The following DPEP3 variants were observed in gnomAD, a reference collection of about 807,000 sequenced individuals.
DPEP3 encodes dipeptidase 3.
In DPEP3, 42 loss-of-function variants were observed where a neutral mutation model predicts 47.5. The observed-to-expected ratio is 0.88, with a 90% CI of 0.69 to 1.14. The LOEUF (loss-of-function observed/expected upper bound fraction) is 1.14. Ranked by LOEUF, DPEP3 falls within the 50% of genes most tolerant of loss-of-function variation. The pLI, the probability that DPEP3 is intolerant of heterozygous loss-of-function variation, is 0.00. For missense variants in DPEP3, 560 were observed against 635.0 expected (o/e 0.88, Z 1.27); for synonymous variants, 276 against 270.2 (o/e 1.02, Z -0.21).
rs922679454 is a variant in DPEP3, at chr16:67,978,836, G to T, written c.415-210C>A. Among the ~76,000 whole-genome samples the T allele has an allele frequency of 2.6e-5, 4 of 151,916 alleles. No homozygotes were observed. Among genetic ancestry groups the T allele is most frequent in the Non-Finnish European group, 4.4e-5 (3 of 67,980 alleles). ...AGACAGGGTCTTGCTCTGTCACCCA[G>T]GCTAGAGTGCAGTGGTGTGATCATG... On this transcript the variant is annotated intron_variant, in intron 2 of 9. Transcript: ENST00000268793. The surrounding 1 kb of genome is among the most constrained non-coding windows in gnomAD (Gnocchi z 4.4).
At position 67,980,164 on chromosome 16, in the gene DPEP3, C is replaced by CT. The variant is rs753511962; in HGVS notation, c.216dup (p.Gly73ArgfsTer27). On this transcript the variant is annotated frameshift_variant, in exon 1 of 10. Transcript: ENST00000268793. LOFTEE classifies it high-confidence loss of function. ...CGAAGGTCCAGGGTTTTGGGGGTGCCTGGCGTAGTGAGGCCTGGGGTAGTG... is the reference window on the plus strand; with the variant it reads ...CGAAGGTCCAGGGTTTTGGGGGTGCCTTGGCGTAGTGAGGCCTGGGGTAGTG... 19 of 1,612,184 alleles carry CT rather than the reference C, an allele frequency of 1.2e-5. No individual in the cohort carries two copies. The highest frequency in any genetic ancestry group is 1.6e-5 in the Non-Finnish European group (19 of 1,179,248).
chr16:67,980,469 C>A lies in DPEP3; in HGVS notation c.-89G>T. On this transcript the variant is annotated 5_prime_UTR_variant, in exon 1 of 10. Transcript: ENST00000268793. ...GGTCCGGATCATGACGACCCAGCCT[C>A]CCGAAGAGGGGGTTGAAGTCACGCG... The A allele has an allele frequency of 2.8e-6, 4 of 1,439,234 alleles. No individual in the cohort carries two copies. The highest frequency in any genetic ancestry group is 3.6e-6 in the Non-Finnish European group (4 of 1,096,480). 89.2% of individuals were successfully genotyped at this position (1,439,234 alleles called of 1,614,324 possible).
chr16:67,980,017 T>C, intron 1 of DPEP3, 77 bp downstream of exon 1: 2 of 1,526,480 alleles, frequency 1.3e-6, no homozygotes, highest in Non-Finnish European at 1.8e-6. Flanking sequence ...ATAGCCTCCT[T>C]GATAGCATGC....
Position 67,980,330 on chromosome 16 carries a change from C to G in DPEP3, c.51G>C (p.Leu17=), listed in dbSNP as rs1165073567. 2 of 1,554,124 alleles carry G rather than the reference C, an allele frequency of 1.3e-6. No individual in the cohort carries two copies. Among genetic ancestry groups the G allele is most frequent in the Non-Finnish European group, 1.7e-6 (2 of 1,150,314 alleles). ...GCAGTAGCAGGAGCAGCAGACGCCG[C>G]AGATACCGCCGGCTGAGCGCGCGGG... ...EGSRALSRRY[L]RRLLLLLLLL... is the part of the protein sequence containing the mutation. The change falls in exon 1 of 10, where the codon CTG becomes CTC. Residue 17 remains leucine, a synonymous_variant. Coordinates refer to ENST00000268793, the MANE Select transcript of DPEP3 (RefSeq NM_001370198.1).
At position 67,978,121 on chromosome 16, in the gene DPEP3, G is replaced by A. The variant is rs2031240895; in HGVS notation, c.687-114C>T. On this transcript the variant is annotated intron_variant, in intron 4 of 9. Coordinates refer to ENST00000268793, the MANE Select transcript of DPEP3 (RefSeq NM_001370198.1). This position sits in a 1 kb window ranked among gnomAD's most constrained non-coding sequence, Gnocchi z 4.4. ...TTCCAGAACAGGTGCAGAACCAGCT[G>A]CTTTCTGGGATTGTGAGGGACCCAC... 1 of 1,572,228 alleles carries A rather than the reference G, an allele frequency of 6.4e-7. No individual in the cohort carries two copies. Among genetic ancestry groups the A allele is most frequent in the African/African-American group, 1.4e-5 (1 of 74,006 alleles).
intron 1 of DPEP3, 138 bp downstream of exon 1, chr16:67,979,956 G>A: frequency 2.9e-6 from 4 of 1,370,728 alleles, no homozygotes; most frequent in South Asian, 2.9e-5. Flanking sequence ...GGGCACCCAT[G>A]GGTGATGGAG....
chr16:67,976,420 G>A (rs905561377), intron 8 of DPEP3, among the ~76,000 whole-genome samples, 192 bp from the exon 9 acceptor site: 1 of 152,236 alleles, frequency 6.6e-6, no homozygotes, highest in Admixed American at 6.5e-5. Context: ...TCAGCCCACA[G>A]CAGGTCTGCT....
chr16:67,979,766 CTGGGGGTG>C lies in DPEP3; in HGVS notation c.288-9_288-2del. On this transcript the variant is annotated splice_acceptor_variant and splice_polypyrimidine_tract_variant and intron_variant, in intron 1 of 9. Transcript: ENST00000268793. LOFTEE classifies it high-confidence loss of function. ...CAGGACCTGGGGCAGGTCATTGTGG[CTGGGGGTG>C]TGAAGGTCAGATGGAAACACCGCCT... 1 of 1,613,578 alleles carries C rather than the reference CTGGGGGTG, an allele frequency of 6.2e-7. No homozygotes were observed. The highest frequency in any genetic ancestry group is 8.5e-7 in the Non-Finnish European group (1 of 1,179,830).
intron 7 of DPEP3, 146 bp from the exon 8 acceptor site, chr16:67,976,921 T>C: frequency 4.2e-6 from 3 of 713,716 alleles, no homozygotes; most frequent in Non-Finnish European, 7.1e-6. Flanking sequence ...GGCTGGTCAC[T>C]GGACCTAGAG....
intron 8 of DPEP3, 41 bp downstream of exon 8, chr16:67,976,659 G>C (rs1478203308): frequency 6.3e-7 from 1 of 1,592,826 alleles, no homozygotes; most frequent in Non-Finnish European, 8.6e-7. Flanking sequence ...AGGACTCCCT[G>C]CTGCACCCCA....
chr16:67,978,732 C>A lies in DPEP3; in HGVS notation c.415-106G>T, dbSNP rs1288232622. 1.6e-5 allele frequency: 22 copies of A among 1,337,420 alleles called. No homozygotes were observed. Among genetic ancestry groups the A allele is most frequent in the Non-Finnish European group, 2.2e-5 (21 of 964,830 alleles). The allele number at this position is 1,337,420 out of a possible 1,614,324, so 82.8% of individuals were successfully genotyped here. ...ATAACACCCATTTGGGTCAGTGGCC[C>A]CAAGTGAGGCACTACATGACTCCAT... is the stretch of plus-strand genomic sequence containing the variant. On this transcript the variant is annotated intron_variant, in intron 2 of 9. Transcript: ENST00000268793. This position sits in a 1 kb window ranked among gnomAD's most constrained non-coding sequence, Gnocchi z 4.4.
At chr16:67,977,863 G>A in intron 5 of DPEP3, 34 bp from the exon 6 acceptor site, 1 of 1,613,638 alleles carries the variant, frequency 6.2e-7, no homozygotes, top group Non-Finnish European at 8.5e-7. Context: ...TGTGGGGGAG[G>A]GTGTTGGGGT....
Position 67,980,097 on chromosome 16 carries a change from T to C in DPEP3, c.284A>G (p.Asp95Gly). Residue 95 changes from aspartate (D) to glycine (G), a missense_variant, in exon 1 of 10, where the codon GAC becomes GGC. By Grantham distance (94) the Asp-to-Gly change is moderately conservative. Coordinates refer to ENST00000268793, the MANE Select transcript of DPEP3 (RefSeq NM_001370198.1). ...QALMRSFPLV[D>G]GHNDLPQVLR... ...CCCAAACGCTGCACCTACATACCCGTCCACGAGTGGGAAACTCCGCATCAG... is the reference window on the plus strand; with the variant it reads ...CCCAAACGCTGCACCTACATACCCGCCCACGAGTGGGAAACTCCGCATCAG... 1 of 1,610,224 alleles carries C rather than the reference T, an allele frequency of 6.2e-7. No individual in the cohort carries two copies.
Position 67,980,084 on chromosome 16 carries a change from A to C in DPEP3, c.287+10T>G. The C allele has an allele frequency of 6.2e-7, 1 of 1,603,350 alleles. No individual in the cohort carries two copies. Among genetic ancestry groups the C allele is most frequent in the Non-Finnish European group, 8.5e-7 (1 of 1,175,478 alleles). ...TCACCCCGCGTTGCCCAAACGCTGC[A>C]CCTACATACCCGTCCACGAGTGGGA... On this transcript the variant is annotated intron_variant, in intron 1 of 9. Coordinates refer to ENST00000268793, the MANE Select transcript of DPEP3 (RefSeq NM_001370198.1).
rs774838533 is a variant in DPEP3 at position 67,975,864 on chromosome 16, G to T, written c.1368C>A (p.Thr456=). ...TTGAGGACCTCCAGGGGACCCGATT[G>T]GTTGGCTGCTTGGTCACCTCCAGAT... The part of the protein sequence containing the change: ...ATHLEVTKQP[T]NRVPWRSSNA... Residue 456 remains threonine, a synonymous_variant, in exon 10 of 10, where the codon ACC becomes ACA. Transcript: ENST00000268793. 6.8e-6 allele frequency: 11 copies of T among 1,613,912 alleles called. No homozygotes were observed. Among genetic ancestry groups the T allele is most frequent in the Non-Finnish European group, 8.5e-6 (10 of 1,179,858 alleles).
rs1034164873 is a variant in DPEP3 at position 67,980,210 on chromosome 16, CGTG to C, written c.168_170del (p.Thr57del). On this transcript the variant is annotated inframe_deletion, in exon 1 of 10. Coordinates refer to ENST00000268793, the MANE Select transcript of DPEP3 (RefSeq NM_001370198.1). ...TAGTGAGGGCGCTGGGGACACCCGG[CGTG>C]GTGAAGAGGCTGGGGGAGCCCAGCG... 2 of 1,609,652 alleles carry C rather than the reference CGTG, an allele frequency of 1.2e-6. No individual in the cohort carries two copies. The highest frequency in any genetic ancestry group is 2.7e-5 in the African/African-American group (2 of 74,870).
chr16:67,976,761 T>A lies in DPEP3; in HGVS notation c.1033A>T (p.Ile345Phe). 1 of 1,614,066 alleles carries A rather than the reference T, an allele frequency of 6.2e-7. No individual in the cohort carries two copies. Among genetic ancestry groups the A allele is most frequent in the Non-Finnish European group, 8.5e-7 (1 of 1,179,972 alleles). ...AACTCAGATCCAATGACTGCCCTGA[T>A]GTGGTCAAAGTGATCTAGGGTGGAG... ...VSTVADHFDHIRAVIGSEFIG... is the reference protein window; with the variant it reads ...VSTVADHFDHFRAVIGSEFIG... Residue 345 changes from isoleucine to phenylalanine, a missense_variant, in exon 8 of 10, where the codon ATC becomes TTC. By Grantham distance (21) the Ile-to-Phe change is conservative. Coordinates refer to ENST00000268793, the MANE Select transcript of DPEP3 (RefSeq NM_001370198.1).
Position 67,978,179 on chromosome 16 carries a change from A to C in DPEP3, c.686+88T>G. 1.9e-6 allele frequency: 3 copies of C among 1,603,782 alleles called. No homozygotes were observed. The highest frequency in any genetic ancestry group is 2.6e-6 in the Non-Finnish European group (3 of 1,173,176). On this transcript the variant is annotated intron_variant, in intron 4 of 9. Transcript: ENST00000268793. This position sits in a 1 kb window ranked among gnomAD's most constrained non-coding sequence, Gnocchi z 4.4. ...CCAGCCTCCCTCTGCGGACCCCTTC[A>C]TCCTCAACGGCTTGGTCACACCCAT...
chr16:67,978,254 G>C lies in DPEP3; in HGVS notation c.686+13C>G. 1.2e-6 allele frequency: 2 copies of C among 1,614,052 alleles called. No homozygotes were observed. Among genetic ancestry groups the C allele is most frequent in the East Asian group, 4.5e-5 (2 of 44,886 alleles). ...CCATGCCATCTAGCATCCTGGCCAG[G>C]TGTTATGCTCACCATGGTGTACTGC... On this transcript the variant is annotated intron_variant, in intron 4 of 9. Transcript: ENST00000268793. The surrounding 1 kb of genome is among the most constrained non-coding windows in gnomAD (Gnocchi z 4.4).
Sources: allele counts gnomAD v4.1 joint callset (sites outside exome capture counted in the v4.1 genomes callset), GRCh38; gene constraint gnomAD v4.1.1; non-coding constraint Gnocchi (gnomAD v3.1); transcripts MANE v1.5; gene names NCBI Gene and HGNC (gene_info 2026-07-23, HGNC 2026-07-21).